CYP3A7: variants seen among roughly 807,000 people sequenced by gnomAD.
The protein encoded by CYP3A7 is cytochrome P450 family 3 subfamily A member 7.
In CYP3A7, 45 loss-of-function variants were observed where a neutral mutation model predicts 55.2. The ratio of observed to expected loss-of-function variants is 0.82; its 90% CI spans 0.64 to 1.05. CYP3A7 has a LOEUF of 1.05. Among genes scored for constraint, CYP3A7 ranks in the 50% least tolerant of loss-of-function variants. The pLI is 0.00. For synonymous variants in CYP3A7, 180 were observed against 207.4 expected (o/e 0.87, Z 1.13); for missense variants, 548 against 605.3 (o/e 0.91, Z 0.99).
In CYP3A7 at chr7:99,713,241, C is replaced by G. The variant is rs1267536560; in HGVS notation, c.865+228G>C. Among the ~76,000 whole-genome samples, 5 of 152,288 alleles carry G rather than the reference C, an allele frequency of 3.3e-5. No homozygotes were observed. In the East Asian group the frequency reaches 9.6e-4, roughly 29 times the overall value. ...GTGATCCACAGACTGCTGACTCTTC[C>G]TGGCATGCCAGTTTTCCTTAGGGTT... On this transcript the variant is annotated intron_variant, in intron 9 of 12. Transcript: ENST00000336374.
chr7:99,731,237 A>G, intron 1 of CYP3A7, 85 bp from the exon 2 acceptor site: 1 of 1,488,230 alleles, frequency 6.7e-7, no homozygotes, highest in Non-Finnish European at 9.3e-7. Context: ...AGGAACTGGA[A>G]TGATCAGGCA....
chr7:99,716,143 C>A (rs1263421299), intron 6 of CYP3A7, among the ~76,000 whole-genome samples: 1 of 152,192 alleles, frequency 6.6e-6, no homozygotes, highest in Non-Finnish European at 1.5e-5. Flanking sequence ...AGACTTACCT[C>A]TGAGGTCAAG....
chr7:99,715,907 C>G lies in CYP3A7; in HGVS notation c.522-1G>C. On this transcript the variant is annotated splice_acceptor_variant, in intron 6 of 12. Transcript: ENST00000336374. LOFTEE classifies it high-confidence loss of function. Reference sequence around the variant, plus strand: ...ATCCATGCTGTAGGCCCCAAAGACGCTGAGTGGAGAAAGATGTGGAAAATT... The same window carrying G: ...ATCCATGCTGTAGGCCCCAAAGACGGTGAGTGGAGAAAGATGTGGAAAATT... 1 of 1,613,744 alleles carries G rather than the reference C, an allele frequency of 6.2e-7. No homozygotes were observed. Among genetic ancestry groups the G allele is most frequent in the Non-Finnish European group, 8.5e-7 (1 of 1,179,790 alleles).
intron 9 of CYP3A7, among the ~76,000 whole-genome samples, chr7:99,712,586 GGATA>G (rs1813797062): frequency 6.6e-6 from 1 of 152,122 alleles, no homozygotes; most frequent in Non-Finnish European, 1.5e-5. Context: ...AGTTGTATTG[GGATA>G]GATAGAGAGA....
chr7:99,726,350 A>G (rs1268204114), intron 2 of CYP3A7, among the ~76,000 whole-genome samples: 2 of 152,110 alleles, frequency 1.3e-5, no homozygotes, highest in Admixed American at 6.5e-5. Context: ...TCTCCTTATA[A>G]TTCCCCCATC....
intron 1 of CYP3A7, 21 bp downstream of exon 1, chr7:99,735,002 G>T (rs1814775699): frequency 6.2e-7 from 1 of 1,613,814 alleles, no homozygotes; most frequent in Non-Finnish European, 8.5e-7. Flanking sequence ...ACAGAGAAGA[G>T]GAGCCTGAAC....
chr7:99,731,155 A>G lies in CYP3A7; in HGVS notation c.72-3T>C. ...GTCCATGTGTACGGGTTCCATATCT[A>G]CAAAGTGAAACAAAAATCAGGTCTC... On this transcript the variant is annotated splice_polypyrimidine_tract_variant and splice_region_variant and intron_variant, in intron 1 of 12. Coordinates refer to ENST00000336374, the MANE Select transcript of CYP3A7 (RefSeq NM_000765.5). 6.2e-7 allele frequency: 1 copy of G among 1,613,762 alleles called. No homozygotes were observed. Among genetic ancestry groups the G allele is most frequent in the Non-Finnish European group, 8.5e-7 (1 of 1,179,718 alleles).
chr7:99,723,761 C>T (rs1320275915), intron 2 of CYP3A7, among the ~76,000 whole-genome samples: 1 of 152,196 alleles, frequency 6.6e-6, no homozygotes, highest in Non-Finnish European at 1.5e-5. Context: ...TGCTATCCCT[C>T]CACCCTTCAA....
chr7:99,709,019 C>T lies in CYP3A7; in HGVS notation c.1253+16G>A. On this transcript the variant is annotated intron_variant, in intron 11 of 12. Coordinates refer to ENST00000336374, the MANE Select transcript of CYP3A7 (RefSeq NM_000765.5). ...AGGCTGGTTCAGGGAGGGCTCCCTT[C>T]CCAGGGGCCTCCTACCTTTCAGGGA... is the stretch of plus-strand genomic sequence containing the variant. The T allele has an allele frequency of 6.2e-7, 1 of 1,613,800 alleles. No homozygotes were observed. The highest frequency in any genetic ancestry group is 1.3e-5 in the African/African-American group (1 of 75,028).
chr7:99,721,339 A>G (rs1200276124), intron 3 of CYP3A7, among the ~76,000 whole-genome samples: 1 of 152,232 alleles, frequency 6.6e-6, no homozygotes, highest in Non-Finnish European at 1.5e-5. Flanking sequence ...TGGTTTCCCA[A>G]TCTGTTTCTC....
chr7:99,730,886 G>A (rs1428408400), intron 2 of CYP3A7, 173 bp downstream of exon 2: 2 of 796,652 alleles, frequency 2.5e-6, no homozygotes, highest in Admixed American at 2.9e-5. Flanking sequence ...GTTCCTGAGA[G>A]TTAGCAAGAG....
chr7:99,731,635 A>G (rs1045480367), intron 1 of CYP3A7, among the ~76,000 whole-genome samples: 9 of 151,896 alleles, frequency 5.9e-5, no homozygotes, highest in African/African-American at 1.9e-4. Flanking sequence ...GCCTATGGTG[A>G]CCCTGTCTTT....
chr7:99,725,152 T>C (rs947768907), intron 2 of CYP3A7, among the ~76,000 whole-genome samples: 2 of 152,120 alleles, frequency 1.3e-5, no homozygotes, highest in Non-Finnish European at 2.9e-5. Flanking sequence ...TAAAGGAAAC[T>C]ACCCAAGGTA....
intron 3 of CYP3A7, among the ~76,000 whole-genome samples, chr7:99,721,204 AT>A (rs1456541871): frequency 6.6e-6 from 1 of 152,242 alleles, no homozygotes; most frequent in East Asian, 1.9e-4. Flanking sequence ...TTCAGCAGAA[AT>A]GTATAGACAA....
In CYP3A7 at chr7:99,707,831, T is replaced by G. The variant is rs746241801; in HGVS notation, c.1397A>C (p.Lys466Thr). Residue 466 changes from lysine to threonine, a missense_variant, in exon 12 of 13, where the codon AAA (lysine) becomes ACA (threonine). Coordinates refer to ENST00000336374, the MANE Select transcript of CYP3A7 (RefSeq NM_000765.5). ...ACTGACCTGTGTTTCTTTACAAGGT[T>G]TGAAGGAGAAGTTCTGAAGGACTCT... ...LVRVLQNFSF[K>T]PCKETQIPLK... 1 of 1,613,830 alleles carries G rather than the reference T, an allele frequency of 6.2e-7. No individual in the cohort carries two copies. Among genetic ancestry groups the G allele is most frequent in the African/African-American group, 1.3e-5 (1 of 74,910 alleles).
intron 3 of CYP3A7, among the ~76,000 whole-genome samples, 183 bp downstream of exon 3, chr7:99,722,113 G>A (rs1344427622): frequency 6.6e-6 from 1 of 152,180 alleles, no homozygotes; most frequent in Non-Finnish European, 1.5e-5. Context: ...ATGGCACACA[G>A]TTTCCCATTC....
Position 99,714,560 on chromosome 7 carries a change from G to T in CYP3A7, c.793C>A (p.Gln265Lys), listed in dbSNP as rs765639246. The T allele has an allele frequency of 2.1e-5, 34 of 1,612,472 alleles. No individual in the cohort carries two copies. The highest frequency in any genetic ancestry group is 2.7e-5 in the African/African-American group (2 of 74,772). Residue 265 changes from glutamine to lysine, a missense_variant, in exon 8 of 13, where the codon CAA (glutamine) becomes AAA (lysine). Physicochemically the swap from Gln to Lys is moderately conservative, Grantham distance 53. Coordinates refer to ENST00000336374, the MANE Select transcript of CYP3A7 (RefSeq NM_000765.5). The part of the protein sequence containing the change: ...QIKEGRLKET[Q>K]KHRVDFLQLM... Reference sequence around the variant, plus strand: ...TAACTACCACCACGTTTTACCTTTTGTGTCTCTTTGAGGCGACCTTCTTTT... The same window carrying T: ...TAACTACCACCACGTTTTACCTTTTTTGTCTCTTTGAGGCGACCTTCTTTT...
intron 10 of CYP3A7, among the ~76,000 whole-genome samples, chr7:99,710,059 A>G (rs1813687922): frequency 6.6e-6 from 1 of 152,178 alleles, no homozygotes; most frequent in Non-Finnish European, 1.5e-5. Flanking sequence ...TCAGGGCTGG[A>G]CTGTAATCTC....
At position 99,735,120 on chromosome 7, in the gene CYP3A7, C is replaced by T; in HGVS notation, c.-27G>A. 1 of 1,613,654 alleles carries T rather than the reference C, an allele frequency of 6.2e-7. No individual in the cohort carries two copies. Among genetic ancestry groups the T allele is most frequent in the South Asian group, 1.1e-5 (1 of 91,070 alleles). Reference sequence around the variant, plus strand: ...ACTACTTTCCTTCCTTATCTCTCTCCTCTGAGTCTTTTTTTCAGCAGCGTG... The same window carrying T: ...ACTACTTTCCTTCCTTATCTCTCTCTTCTGAGTCTTTTTTTCAGCAGCGTG... On this transcript the variant is annotated 5_prime_UTR_variant, in exon 1 of 13. Coordinates refer to ENST00000336374, the MANE Select transcript of CYP3A7 (RefSeq NM_000765.5).
Sources: allele counts gnomAD v4.1 joint callset (sites outside exome capture counted in the v4.1 genomes callset), GRCh38; gene constraint gnomAD v4.1.1; transcripts MANE v1.5; gene names NCBI Gene and HGNC (gene_info 2026-07-23, HGNC 2026-07-21).